The following SCAPER variants were observed in gnomAD, a reference collection of about 807,000 sequenced individuals.
SCAPER encodes S phase cyclin A-associated protein in the endoplasmic reticulum.
In SCAPER, 98 loss-of-function variants were observed where a neutral mutation model predicts 182.2. The observed-to-expected ratio is 0.54, with a 90% confidence interval of 0.46 to 0.64. The LOEUF (loss-of-function observed/expected upper bound fraction) is 0.64, where lower values mean the gene tolerates loss of function less well. SCAPER is among the 30% of genes least tolerant of loss of function. The probability of loss-of-function intolerance (pLI) is 0.00; values close to 1 mark genes in which losing one functional copy is unlikely to be tolerated. For synonymous variants in SCAPER, 605 were observed against 564.6 expected (o/e 1.07, Z -1.01); for missense variants, 1,432 against 1,690.0 (o/e 0.85, Z 2.68).
chr15:76,796,240 T>C lies in SCAPER; in HGVS notation c.612-800A>G, dbSNP rs545933159. 7.9e-5 allele frequency among the ~76,000 whole-genome samples: 12 copies of C among 152,324 alleles called. No homozygotes were observed. In the South Asian group the frequency reaches 8.3e-4, roughly 11 times the overall value. ...AGTGAAAATTCAGTGATGTCTATTATATAATTTAATGCACAATTCTCCTTA... is the reference window on the plus strand; with the variant it reads ...AGTGAAAATTCAGTGATGTCTATTACATAATTTAATGCACAATTCTCCTTA... On this transcript the variant is annotated intron_variant, in intron 7 of 31. Transcript: ENST00000563290.
Position 76,804,521 on chromosome 15 carries a change from A to T in SCAPER, c.494+12T>A. ...TGGATGATAGGAAGATTGAGACCAG[A>T]GAGCTCATTACCTGCTTTGAGCATC... On this transcript the variant is annotated intron_variant, in intron 6 of 31. Coordinates refer to ENST00000563290, the MANE Select transcript of SCAPER (RefSeq NM_020843.4). 1 of 1,562,654 alleles carries T rather than the reference A, an allele frequency of 6.4e-7. No homozygotes were observed. The highest frequency in any genetic ancestry group is 8.8e-7 in the Non-Finnish European group (1 of 1,140,398).
intron 20 of SCAPER, among the ~76,000 whole-genome samples, chr15:76,701,556 T>C (rs2058949776): frequency 6.6e-6 from 1 of 152,230 alleles, no homozygotes; most frequent in Non-Finnish European, 1.5e-5. Context: ...CAGCATTAAA[T>C]TCTTTTTTCT....
At chr15:76,778,112 C>G (rs996212058) in intron 8 of SCAPER, among the ~76,000 whole-genome samples, 5 of 152,128 alleles carry the variant, frequency 3.3e-5, no homozygotes, top group African/African-American at 1.2e-4. Context: ...ATCACAGCAT[C>G]ATAAAGTTGA....
At chr15:76,355,709 A>G (rs932141767) in intron 29 of SCAPER, among the ~76,000 whole-genome samples, 3 of 152,238 alleles carry the variant, frequency 2.0e-5, no homozygotes, top group Non-Finnish European at 4.4e-5. Context: ...GGTGCCTGGC[A>G]TATCAGCACA....
intron 23 of SCAPER, among the ~76,000 whole-genome samples, chr15:76,554,915 G>C (rs1027034990): frequency 6.6e-6 from 1 of 151,952 alleles, no homozygotes; most frequent in Non-Finnish European, 1.5e-5. Flanking sequence ...CTGATAGCTG[G>C]GATTACAGGC....
chr15:76,590,263 T>C (rs955572168), intron 22 of SCAPER, among the ~76,000 whole-genome samples: 6 of 152,204 alleles, frequency 3.9e-5, no homozygotes. Flanking sequence ...GAGGCTTGGA[T>C]GAAAATTAAG....
chr15:76,389,901 T>C (rs1284090802), intron 27 of SCAPER, among the ~76,000 whole-genome samples: 1 of 151,600 alleles, frequency 6.6e-6, no homozygotes, highest in Non-Finnish European at 1.5e-5. Flanking sequence ...CAGGCTCAGA[T>C]ACCTGGGAGA....
chr15:76,447,366 G>T (rs2048072222), intron 25 of SCAPER, among the ~76,000 whole-genome samples: 1 of 152,160 alleles, frequency 6.6e-6, no homozygotes, highest in Non-Finnish European at 1.5e-5. Context: ...TCAAACCCAA[G>T]GAAAGGGTCA....
Position 76,624,497 on chromosome 15 carries a change from G to C in SCAPER, c.2646-2668C>G, listed in dbSNP as rs1240407231. 2.0e-5 allele frequency among the ~76,000 whole-genome samples: 3 copies of C among 152,170 alleles called. No individual in the cohort carries two copies. In the South Asian group the frequency reaches 6.2e-4, roughly 32 times the overall value. ...GCCCAAAGTAACCTGCAGATTCAAT[G>C]CTATTCCTATTAAGTTACCTTTCAT... On this transcript the variant is annotated intron_variant, in intron 21 of 31. Transcript: ENST00000563290.
At chr15:76,821,999 G>C (rs2137311) in intron 5 of SCAPER, among the ~76,000 whole-genome samples, 65,106 of 151,978 alleles carry the variant, frequency 0.43, 14,336 homozygotes, top group East Asian at 0.59. Context: ...GGTTAGGGGT[G>C]GGGGACTGGG....
chr15:76,885,163 G>T (rs2073774450), intron 1 of SCAPER, among the ~76,000 whole-genome samples: 1 of 152,168 alleles, frequency 6.6e-6, no homozygotes, highest in African/African-American at 2.4e-5. Flanking sequence ...TATTGTAAAT[G>T]AATCATTTAT....
intron 21 of SCAPER, among the ~76,000 whole-genome samples, chr15:76,650,332 C>A (rs1423314917): frequency 6.6e-6 from 1 of 151,336 alleles, no homozygotes; most frequent in Non-Finnish European, 1.5e-5. Flanking sequence ...GAAAAAGATA[C>A]TATGCAAAAA....
At position 76,567,270 on chromosome 15, in the gene SCAPER, CA is replaced by C. The variant is rs767472283; in HGVS notation, c.2838+6887del. 4.5e-4 allele frequency: 202 copies of C among 444,016 alleles called. 1 individual carries two copies. In the Middle Eastern group the frequency reaches 6.4e-3, roughly 14 times the overall value. 27.5% of individuals were successfully genotyped at this position (444,016 alleles called of 1,614,324 possible). ...ATAATAGTCCATTATATGAACATAC[CA>C]TAATTTGTATCTCCAGCTGTTGATG... On this transcript the variant is annotated intron_variant, in intron 23 of 31. Transcript: ENST00000563290.
At chr15:76,857,688 C>A in intron 4 of SCAPER, 121 bp downstream of exon 4, 1 of 663,620 alleles carries the variant, frequency 1.5e-6, no homozygotes, top group Non-Finnish European at 2.4e-6. Context: ...TTAAAAAGTA[C>A]ATTAAATTTT....
At chr15:76,576,387 T>C (rs952494294) in intron 22 of SCAPER, among the ~76,000 whole-genome samples, 2 of 152,108 alleles carry the variant, frequency 1.3e-5, no homozygotes, top group Non-Finnish European at 2.9e-5. Flanking sequence ...AATAACTTCA[T>C]AGGTTACAAA....
At chr15:76,867,353 C>G (rs62029239) in intron 2 of SCAPER, among the ~76,000 whole-genome samples, 10,192 of 152,168 alleles carry the variant, frequency 0.067, 377 homozygotes, top group Middle Eastern at 0.11. Flanking sequence ...CTACTAACGC[C>G]CTTAATACTT....
At chr15:76,593,655 C>T (rs1248134024) in intron 22 of SCAPER, among the ~76,000 whole-genome samples, 1 of 121,464 alleles carries the variant, frequency 8.2e-6, no homozygotes, top group Non-Finnish European at 2.0e-5. Flanking sequence ...TGTTCTGCAG[C>T]ATCCACTGGT....
chr15:76,865,691 G>C (rs1306012000), intron 2 of SCAPER, among the ~76,000 whole-genome samples: 1 of 152,098 alleles, frequency 6.6e-6, no homozygotes, highest in African/African-American at 2.4e-5. Flanking sequence ...GTACAAAAAT[G>C]AATCAACTCG....
At position 76,433,518 on chromosome 15, in the gene SCAPER, C is replaced by A. The variant is rs144580935; in HGVS notation, c.3311+560G>T. 7.0e-3 allele frequency among the ~76,000 whole-genome samples: 1,068 copies of A among 152,042 alleles called. 8 individuals are homozygous for A. The highest frequency in any genetic ancestry group is 0.024 in the African/African-American group (986 of 41,482). ...ATAGAAAAAACAACAACAACAACAA[C>A]AAAAAAACAACCAAGAATGATACCT... is the stretch of plus-strand genomic sequence containing the variant. On this transcript the variant is annotated intron_variant, in intron 26 of 31. Coordinates refer to ENST00000563290, the MANE Select transcript of SCAPER (RefSeq NM_020843.4).
Sources: allele counts gnomAD v4.1 joint callset (sites outside exome capture counted in the v4.1 genomes callset), GRCh38; gene constraint gnomAD v4.1.1; transcripts MANE v1.5; gene names NCBI Gene and HGNC (gene_info 2026-07-23, HGNC 2026-07-21).